Variants in NR3C2 observed in about 807,000 individuals in gnomAD.
NR3C2 encodes nuclear receptor subfamily 3 group C member 2.
Under a neutral mutation model 86.4 loss-of-function variants are expected in NR3C2, and 15 were observed. The observed-to-expected ratio is 0.17, with a 90% confidence interval of 0.12 to 0.27. The LOEUF (loss-of-function observed/expected upper bound fraction) is 0.27. Ranked by LOEUF, NR3C2 falls within the 10% of genes least tolerant of loss-of-function variation. NR3C2 has a pLI of 1.00. For synonymous variants in NR3C2, 458 were observed against 450.5 expected (o/e 1.02, Z -0.21); for missense variants, 960 against 1,195.6 (o/e 0.80, Z 2.91).
intron 2 of NR3C2, among the ~76,000 whole-genome samples, chr4:148,329,779 G>C (rs1028782160): frequency 6.6e-6 from 1 of 152,190 alleles, no homozygotes; most frequent in Non-Finnish European, 1.5e-5. Flanking sequence ...CTTGAATTCC[G>C]AACAATTCTA....
chr4:148,132,811 C>T (rs1044594853), intron 6 of NR3C2, among the ~76,000 whole-genome samples: 27 of 152,142 alleles, frequency 1.8e-4, no homozygotes, highest in African/African-American at 6.3e-4. Context: ...TTAAAACACC[C>T]AACAGCAAGC....
At position 148,292,707 on chromosome 4, in the gene NR3C2, T is replaced by C. The variant is rs1218710958; in HGVS notation, c.1758-32590A>G. Among the ~76,000 whole-genome samples the C allele has an allele frequency of 5.9e-5, 9 of 152,172 alleles. No homozygotes were observed. In the East Asian group the frequency reaches 1.5e-3, roughly 26 times the overall value. On this transcript the variant is annotated intron_variant, in intron 2 of 8. Transcript: ENST00000358102. ...GAATACAGAGTATTAATCAGGTCTT[T>C]AAAAAAGTCAAACAGCAAGGTCCTT... is the stretch of plus-strand genomic sequence containing the variant.
At chr4:148,428,771 T>C (rs1323283631) in intron 2 of NR3C2, among the ~76,000 whole-genome samples, 1 of 152,144 alleles carries the variant, frequency 6.6e-6, no homozygotes, top group Non-Finnish European at 1.5e-5. Context: ...CTCATCCTTC[T>C]ACACAGCTGA....
intron 2 of NR3C2, among the ~76,000 whole-genome samples, chr4:148,330,423 C>G (rs1013372191): frequency 6.6e-6 from 1 of 152,142 alleles, no homozygotes; most frequent in Non-Finnish European, 1.5e-5. Context: ...TCACAGAGGT[C>G]CCAGCAGGCT....
At chr4:148,165,381 A>G (rs1477076323) in intron 4 of NR3C2, among the ~76,000 whole-genome samples, 1 of 152,122 alleles carries the variant, frequency 6.6e-6, no homozygotes, top group East Asian at 1.9e-4. Flanking sequence ...ACTAAGAAAT[A>G]AAAACTTTTA....
intron 2 of NR3C2, among the ~76,000 whole-genome samples, chr4:148,277,477 A>C (rs553856197): frequency 7.2e-5 from 11 of 152,276 alleles, no homozygotes; most frequent in East Asian, 5.8e-4. Context: ...GCTACTGGGG[A>C]GGCTGAGGCA....
intron 3 of NR3C2, among the ~76,000 whole-genome samples, chr4:148,226,640 C>T (rs1189302294): frequency 6.6e-6 from 1 of 152,228 alleles, no homozygotes; most frequent in East Asian, 1.9e-4. Flanking sequence ...TATACAGTGA[C>T]TTTATAGGAA....
intron 3 of NR3C2, among the ~76,000 whole-genome samples, chr4:148,251,724 A>T (rs925756636): frequency 6.6e-6 from 1 of 152,124 alleles, no homozygotes; most frequent in Non-Finnish European, 1.5e-5. Context: ...AGTAATGGTA[A>T]TTTTTTTTAT....
At chr4:148,412,694 T>C (rs993307985) in intron 2 of NR3C2, among the ~76,000 whole-genome samples, 2 of 152,200 alleles carry the variant, frequency 1.3e-5, no homozygotes, top group African/African-American at 4.8e-5. Flanking sequence ...TTACATTCTT[T>C]TACTTATTTA....
rs919520811 is a variant in NR3C2, at chr4:148,309,547, A to T, written c.1758-49430T>A. 4.0e-5 allele frequency among the ~76,000 whole-genome samples: 6 copies of T among 149,396 alleles called. No homozygotes were observed. The South Asian group carries it at 1.3e-3, about 32-fold the overall frequency. ...AGACACACATGCACATGGATAAAAGATGCAGTGTTTTTATGAATAGAATTA... is the reference window on the plus strand; with the variant it reads ...AGACACACATGCACATGGATAAAAGTTGCAGTGTTTTTATGAATAGAATTA... On this transcript the variant is annotated intron_variant, in intron 2 of 8. Coordinates refer to ENST00000358102, the MANE Select transcript of NR3C2 (RefSeq NM_000901.5).
chr4:148,289,108 G>A (rs937585767), intron 2 of NR3C2, among the ~76,000 whole-genome samples: 2 of 151,948 alleles, frequency 1.3e-5, no homozygotes, highest in Admixed American at 6.6e-5. Flanking sequence ...AGACAACCAA[G>A]GAAAATTTTA....
intron 4 of NR3C2, among the ~76,000 whole-genome samples, chr4:148,177,952 C>A (rs1047488977): frequency 6.6e-6 from 1 of 152,210 alleles, no homozygotes; most frequent in Non-Finnish European, 1.5e-5. Flanking sequence ...TTTTTTAAAG[C>A]TTCCGAGATA....
chr4:148,145,601 G>A (rs374338698), intron 6 of NR3C2, among the ~76,000 whole-genome samples: 1 of 152,180 alleles, frequency 6.6e-6, no homozygotes, highest in Non-Finnish European at 1.5e-5. Flanking sequence ...TGAGGTTGCT[G>A]CAGACCCAGA....
rs145670736 is a variant in NR3C2, at chr4:148,152,552, T to C, written c.2427A>G (p.Leu809=). Residue 809 remains leucine (L), a synonymous_variant, in exon 6 of 9, where the codon CTA becomes CTG. Transcript: ENST00000358102. ...ITLIQYSWMC[L]SSFALSWRSY... is the part of the protein sequence containing the mutation. ...ATCTCCAGCTCAAGGCAAATGATGATAGACACATCCAAGAATACTGGATTA... is the reference window on the plus strand; with the variant it reads ...ATCTCCAGCTCAAGGCAAATGATGACAGACACATCCAAGAATACTGGATTA... 155 of 1,614,128 alleles carry C rather than the reference T, an allele frequency of 9.6e-5. No individual in the cohort carries two copies. The highest frequency in any genetic ancestry group is 3.3e-4 in the East Asian group (15 of 44,874).
At chr4:148,238,345 C>T (rs914196484) in intron 3 of NR3C2, among the ~76,000 whole-genome samples, 9 of 152,024 alleles carry the variant, frequency 5.9e-5, no homozygotes, top group Admixed American at 2.6e-4. Flanking sequence ...TTGAGCAAAT[C>T]ATTATTAGTC....
chr4:148,179,246 G>C (rs896071345), intron 4 of NR3C2, among the ~76,000 whole-genome samples: 2 of 151,570 alleles, frequency 1.3e-5, no homozygotes, highest in Non-Finnish European at 2.9e-5. Flanking sequence ...GATGCTACTT[G>C]GAAAGAGAAA....
chr4:148,116,718 GA>G (rs536853405), intron 7 of NR3C2, among the ~76,000 whole-genome samples: 9 of 151,530 alleles, frequency 5.9e-5, no homozygotes, highest in Middle Eastern at 3.2e-3. Context: ...CTTCTGCATT[GA>G]AAAAAAATCA....
intron 4 of NR3C2, among the ~76,000 whole-genome samples, chr4:148,190,037 T>A (rs1369923687): frequency 6.6e-6 from 1 of 152,234 alleles, no homozygotes; most frequent in Non-Finnish European, 1.5e-5. Context: ...TTCAATTTCA[T>A]TTAGTTCTGC....
chr4:148,324,654 G>T (rs1743856014), intron 2 of NR3C2, among the ~76,000 whole-genome samples: 1 of 152,124 alleles, frequency 6.6e-6, no homozygotes, highest in Non-Finnish European at 1.5e-5. Context: ...CTTGAAATTT[G>T]CTGAGAGTAA....
Sources: allele counts gnomAD v4.1 joint callset (sites outside exome capture counted in the v4.1 genomes callset), GRCh38; gene constraint gnomAD v4.1.1; transcripts MANE v1.5; gene names NCBI Gene and HGNC (gene_info 2026-07-23, HGNC 2026-07-21).